The following VTI1A variants were observed in gnomAD, a reference collection of about 807,000 sequenced individuals.
VTI1A encodes the protein vesicle transport through interaction with t-SNAREs homolog 1A.
VTI1A carries 22 observed loss-of-function variants against 34.9 expected under a neutral mutation model. The ratio of observed to expected loss-of-function variants is 0.63; its 90% confidence interval spans 0.45 to 0.90. VTI1A has a LOEUF of 0.90. Ranked by LOEUF, VTI1A falls within the 40% of genes least tolerant of loss-of-function variation. VTI1A has a pLI of 0.00. For synonymous variants in VTI1A, 87 were observed against 97.3 expected (o/e 0.89, Z 0.62); for missense variants, 268 against 275.6 (o/e 0.97, Z 0.20).
chr10:112,780,113 A>T (rs1338385607), intron 7 of VTI1A, among the ~76,000 whole-genome samples: 1 of 107,590 alleles, frequency 9.3e-6, no homozygotes, highest in African/African-American at 4.0e-5. Context: ...CTTGTCTCTT[A>T]AAAAAAAAAA....
intron 3 of VTI1A, among the ~76,000 whole-genome samples, chr10:112,480,807 G>C (rs1848438442): frequency 6.6e-6 from 1 of 152,138 alleles, no homozygotes; most frequent in Non-Finnish European, 1.5e-5. Context: ...AGAATCTGAG[G>C]ATCTTAAAAA....
At chr10:112,840,500 T>C in the VTI1A span, among the ~76,000 whole-genome samples, 1 of 152,218 alleles carries the variant, frequency 6.6e-6, no homozygotes. Flanking sequence ...CCTTCGCTTG[T>C]TCTCATTGGC....
At chr10:112,551,436 G>T (rs1851358309) in intron 5 of VTI1A, among the ~76,000 whole-genome samples, 1 of 151,974 alleles carries the variant, frequency 6.6e-6, no homozygotes, top group Admixed American at 6.6e-5. Context: ...GACTTCTATT[G>T]ATCTCTGCTA....
At chr10:112,834,227 AC>A in the VTI1A span, among the ~76,000 whole-genome samples, 3 of 151,710 alleles carry the variant, frequency 2.0e-5, no homozygotes, top group Admixed American at 2.0e-4. Context: ...ACCAGCCCAC[AC>A]CCCCGCCCCA....
intron 7 of VTI1A, among the ~76,000 whole-genome samples, chr10:112,799,830 A>G (rs1299043159): frequency 3.3e-5 from 5 of 152,178 alleles, no homozygotes; most frequent in Admixed American, 1.3e-4. Context: ...TCAGTGTCCA[A>G]CTAAGAAAAC....
At chr10:112,509,713 A>G (rs1339628799) in intron 3 of VTI1A, among the ~76,000 whole-genome samples, 1 of 152,218 alleles carries the variant, frequency 6.6e-6, no homozygotes, top group Non-Finnish European at 1.5e-5. Flanking sequence ...AGAGTTGTTA[A>G]GAGTCCTCAC....
intron 5 of VTI1A, among the ~76,000 whole-genome samples, chr10:112,615,688 T>C (rs1845488135): frequency 1.3e-5 from 2 of 152,184 alleles, no homozygotes; most frequent in South Asian, 4.2e-4. Context: ...TCTGAGGGAG[T>C]CTGGGAAACT....
At chr10:112,722,017 T>C (rs958070156) in intron 7 of VTI1A, among the ~76,000 whole-genome samples, 1 of 152,138 alleles carries the variant, frequency 6.6e-6, no homozygotes, top group Non-Finnish European at 1.5e-5. Context: ...TTGTTCTTAG[T>C]TAAGAGAGTA....
intron 7 of VTI1A, among the ~76,000 whole-genome samples, chr10:112,736,107 GTGTGTATATATATATA>G (rs1850446789): frequency 4.0e-5 from 4 of 100,844 alleles, no homozygotes; most frequent in African/African-American, 2.0e-4. Flanking sequence ...ATATATGTGT[GTGTGTATATATATATA>G]TATATATATA....
chr10:112,693,296 C>T lies in VTI1A; in HGVS notation c.560+24298C>T, dbSNP rs145087295. ...GCGTGATGGCTCATGTCTGTAATCCCAGCACTTTGGGAGCCCGAGGCAGGC... is the reference window on the plus strand; with the variant it reads ...GCGTGATGGCTCATGTCTGTAATCCTAGCACTTTGGGAGCCCGAGGCAGGC... On this transcript the variant is annotated intron_variant, in intron 7 of 7. Coordinates refer to ENST00000393077, the MANE Select transcript of VTI1A (RefSeq NM_145206.4). Among the ~76,000 whole-genome samples the T allele has an allele frequency of 6.7e-3, 1,021 of 152,202 alleles. 11 individuals carry two copies. The highest frequency in any genetic ancestry group is 0.023 in the African/African-American group (959 of 41,518).
At chr10:112,827,727 G>A in the VTI1A span, 1 of 152,202 alleles carries the variant, frequency 6.6e-6, no homozygotes, top group East Asian at 1.9e-4. Flanking sequence ...TAATTCTAAA[G>A]TCGGCTATTC....
chr10:112,816,450 G>C lies in VTI1A; in HGVS notation c.*1067G>C. ...AGAGGATGGCAGATTGTTCCAAAAG[G>C]AATGGCTTGGGTTTTTAACTAACAA... is the stretch of plus-strand genomic sequence containing the variant. On this transcript the variant is annotated 3_prime_UTR_variant, in exon 8 of 8. Transcript: ENST00000393077. 4.5e-6 allele frequency: 1 copy of C among 224,510 alleles called. No homozygotes were observed. The highest frequency in any genetic ancestry group is 1.8e-4 in the South Asian group (1 of 5,458). The allele number at this position is 224,510 out of a possible 1,614,324, so 13.9% of individuals were successfully genotyped here.
At chr10:112,852,030 C>T in the VTI1A span, among the ~76,000 whole-genome samples, 1 of 152,102 alleles carries the variant, frequency 6.6e-6, no homozygotes, top group Non-Finnish European at 1.5e-5. Flanking sequence ...ATTATATAAC[C>T]AATCATGTTT....
intron 7 of VTI1A, among the ~76,000 whole-genome samples, chr10:112,789,445 A>T (rs181164992): frequency 9.2e-5 from 14 of 152,202 alleles, no homozygotes; most frequent in African/African-American, 3.4e-4. Context: ...GTGCATGATG[A>T]GTCATTTTTG....
intron 3 of VTI1A, among the ~76,000 whole-genome samples, chr10:112,501,826 T>C (rs2134155884): frequency 6.6e-6 from 1 of 152,270 alleles, no homozygotes; most frequent in African/African-American, 2.4e-5. Context: ...AAAGGGATAA[T>C]GCATGAGTTT....
chr10:112,845,807 C>G, the VTI1A span, among the ~76,000 whole-genome samples: 1 of 152,134 alleles, frequency 6.6e-6, no homozygotes, highest in South Asian at 2.1e-4. Context: ...CATTTGAGGT[C>G]AGGAATTCGA....
intron 7 of VTI1A, among the ~76,000 whole-genome samples, chr10:112,676,119 G>T (rs1201869573): frequency 2.0e-5 from 3 of 151,986 alleles, no homozygotes; most frequent in African/African-American, 7.3e-5. Context: ...AGTTCTTCTA[G>T]GTTGATGAAT....
chr10:112,726,836 A>G (rs12247968), intron 7 of VTI1A, among the ~76,000 whole-genome samples: 31 of 152,160 alleles, frequency 2.0e-4, no homozygotes, highest in African/African-American at 7.5e-4. Flanking sequence ...GAGTCTGAAC[A>G]AGAAGGCATA....
intron 5 of VTI1A, among the ~76,000 whole-genome samples, chr10:112,656,505 A>T (rs1035351492): frequency 6.9e-6 from 1 of 145,398 alleles, no homozygotes; most frequent in African/African-American, 2.5e-5. Flanking sequence ...ATACAGGAGC[A>T]TACCACACCC....
Sources: allele counts gnomAD v4.1 joint callset (sites outside exome capture counted in the v4.1 genomes callset), GRCh38; gene constraint gnomAD v4.1.1; transcripts MANE v1.5; gene names NCBI Gene and HGNC (gene_info 2026-07-23, HGNC 2026-07-21).